CALN1: variants seen among roughly 807,000 people sequenced by gnomAD.
CALN1 encodes the protein calneuron 1.
CALN1 carries 17 observed loss-of-function variants against 30.6 expected under a neutral mutation model. That is an observed-to-expected ratio of 0.56 (90% CI 0.38 to 0.83). The LOEUF is 0.83. CALN1 is among the 40% of genes least tolerant of loss of function. CALN1 has a pLI of 0.00. For missense variants in CALN1, 291 were observed against 354.9 expected (o/e 0.82, Z 1.45); for synonymous variants, 156 against 131.4 (o/e 1.19, Z -1.28).
chr7:72,252,608 C>CAA (rs71069044), intron 3 of CALN1, among the ~76,000 whole-genome samples: 1,465 of 137,360 alleles, frequency 0.011, 34 homozygotes, highest in African/African-American at 0.033. Context: ...GACCCTGTCT[C>CAA]AAAAAAAAAA....
At chr7:72,138,623 T>C (rs2129543271) in intron 3 of CALN1, among the ~76,000 whole-genome samples, 1 of 152,334 alleles carries the variant, frequency 6.6e-6, no homozygotes, top group South Asian at 2.1e-4. Flanking sequence ...AGTTAGCTAA[T>C]CTTCAAAGAG....
intron 5 of CALN1, among the ~76,000 whole-genome samples, chr7:71,936,651 C>G (rs1224483303): frequency 6.6e-6 from 1 of 152,100 alleles, no homozygotes; most frequent in African/African-American, 2.4e-5. Context: ...CTAAGGTATT[C>G]TTCCCCAACC....
At chr7:72,377,436 C>CGTGTCTGTGTGTGT (rs1554393810) in intron 2 of CALN1, among the ~76,000 whole-genome samples, 3 of 142,336 alleles carry the variant, frequency 2.1e-5, no homozygotes, top group African/African-American at 8.0e-5. Context: ...GCCACACTTT[C>CGTGTCTGTGTGTGT]GTGTGTGTGT....
At chr7:72,200,456 C>T (rs1262751077) in intron 3 of CALN1, among the ~76,000 whole-genome samples, 2 of 152,158 alleles carry the variant, frequency 1.3e-5, no homozygotes. Flanking sequence ...AAGCACCTTA[C>T]AAATAGTGTC....
intron 5 of CALN1, among the ~76,000 whole-genome samples, chr7:71,827,688 C>T (rs1222428960): frequency 1.3e-5 from 2 of 151,940 alleles, no homozygotes; most frequent in Non-Finnish European, 2.9e-5. Context: ...AGGAGAATTG[C>T]TTGAACCTGG....
chr7:71,846,060 A>G (rs1054882319), intron 5 of CALN1, among the ~76,000 whole-genome samples: 1 of 152,084 alleles, frequency 6.6e-6, no homozygotes, highest in Non-Finnish European at 1.5e-5. Context: ...CTCCAAAAAA[A>G]TAAAAGATTA....
intron 3 of CALN1, among the ~76,000 whole-genome samples, chr7:72,237,070 TG>T (rs58568880): frequency 0.54 from 80,923 of 151,240 alleles, 21,852 homozygotes; most frequent in South Asian, 0.65. Context: ...CTGCAACCTC[TG>T]CCTCCTGGGT....
chr7:72,043,992 G>C (rs1308518739), intron 4 of CALN1, among the ~76,000 whole-genome samples: 1 of 152,122 alleles, frequency 6.6e-6, no homozygotes, highest in Non-Finnish European at 1.5e-5. Context: ...GATCTTGTGA[G>C]ACTTCTTCAC....
chr7:72,339,341 G>A (rs1017941773), intron 2 of CALN1, among the ~76,000 whole-genome samples: 2 of 152,086 alleles, frequency 1.3e-5, no homozygotes, highest in African/African-American at 4.8e-5. Flanking sequence ...TCAGCAGTGG[G>A]ATTGCTGGAT....
intron 2 of CALN1, among the ~76,000 whole-genome samples, chr7:72,316,507 G>A (rs1195415809): frequency 1.3e-5 from 2 of 152,232 alleles, no homozygotes; most frequent in African/African-American, 4.8e-5. Context: ...CACAAATGCA[G>A]ACTCTGGGAC....
intron 5 of CALN1, among the ~76,000 whole-genome samples, chr7:71,896,221 TCA>T (rs1297807297): frequency 6.6e-6 from 1 of 152,198 alleles, no homozygotes; most frequent in African/African-American, 2.4e-5. Context: ...ATTGGTAATG[TCA>T]CATTTCTTTG....
chr7:72,073,650 C>A (rs1162858304), intron 4 of CALN1, among the ~76,000 whole-genome samples: 1 of 151,718 alleles, frequency 6.6e-6, no homozygotes, highest in Non-Finnish European at 1.5e-5. Flanking sequence ...TCCTTCCTGT[C>A]TTCCTTCTCC....
intron 4 of CALN1, among the ~76,000 whole-genome samples, chr7:72,033,608 A>T (rs114301405): frequency 0.02 from 3,038 of 152,092 alleles, 92 homozygotes; most frequent in African/African-American, 0.07. Context: ...GCAAAGGGAG[A>T]TAAGCTGAGT....
intron 2 of CALN1, among the ~76,000 whole-genome samples, chr7:72,365,812 G>C (rs1328408548): frequency 6.6e-6 from 1 of 152,176 alleles, no homozygotes; most frequent in Non-Finnish European, 1.5e-5. Context: ...TATTGGCAAA[G>C]CTTAAAAGTA....
At chr7:72,063,620 GA>G (rs1303636765) in intron 4 of CALN1, among the ~76,000 whole-genome samples, 1 of 152,138 alleles carries the variant, frequency 6.6e-6, no homozygotes, top group African/African-American at 2.4e-5. Flanking sequence ...ACTGGCAGCT[GA>G]AAAAAGCAAA....
intron 3 of CALN1, among the ~76,000 whole-genome samples, chr7:72,128,963 A>G (rs1808955662): frequency 6.6e-6 from 1 of 152,232 alleles, no homozygotes; most frequent in Non-Finnish European, 1.5e-5. Context: ...TTTGTAATTT[A>G]TGTTACAAAA....
At chr7:72,250,907 G>A (rs1375779242) in intron 3 of CALN1, among the ~76,000 whole-genome samples, 1 of 152,124 alleles carries the variant, frequency 6.6e-6, no homozygotes, top group African/African-American at 2.4e-5. Flanking sequence ...AATGCAAAAT[G>A]ATCTCATACA....
chr7:72,091,432 T>G (rs1462283518), intron 4 of CALN1, among the ~76,000 whole-genome samples: 3 of 152,346 alleles, frequency 2.0e-5, no homozygotes, highest in East Asian at 1.9e-4. Context: ...TTGTGAGCAC[T>G]TTAGGCGATG....
chr7:71,861,192 CGTGT>C (rs778774490), intron 5 of CALN1, among the ~76,000 whole-genome samples: 4 of 148,662 alleles, frequency 2.7e-5, no homozygotes, highest in East Asian at 2.0e-4. Context: ...TGTGTGTGTG[CGTGT>C]GTGTGTGTTA....
Sources: allele counts gnomAD v4.1 joint callset (sites outside exome capture counted in the v4.1 genomes callset), GRCh38; gene constraint gnomAD v4.1.1; transcripts MANE v1.5; gene names NCBI Gene and HGNC (gene_info 2026-07-23, HGNC 2026-07-21).